Variants in EGFLAM observed in about 807,000 individuals in gnomAD.
EGFLAM encodes EGF like, fibronectin type III and laminin G domains.
Under a neutral mutation model 113.1 loss-of-function variants are expected in EGFLAM, and 79 were observed. The ratio of observed to expected loss-of-function variants is 0.70; its 90% CI spans 0.58 to 0.84. The LOEUF (loss-of-function observed/expected upper bound fraction) is 0.84. Among genes scored for constraint, EGFLAM ranks in the 40% least tolerant of loss-of-function variants. The probability of loss-of-function intolerance (pLI) is 0.00; values close to 1 mark genes in which losing one functional copy is unlikely to be tolerated. For synonymous variants in EGFLAM, 504 were observed against 487.6 expected, an observed-to-expected ratio of 1.03 and a Z score of -0.44; for missense variants, 1,265 against 1,291.6, an observed-to-expected ratio of 0.98 and a Z score of 0.32.
chr5:38,397,467 TA>T (rs1740991523), intron 6 of EGFLAM, among the ~76,000 whole-genome samples: 1 of 152,192 alleles, frequency 6.6e-6, no homozygotes, highest in African/African-American at 2.4e-5. Context: ...TTTTTATCTT[TA>T]TTTTTATAGA....
intron 6 of EGFLAM, among the ~76,000 whole-genome samples, chr5:38,372,216 C>T (rs1230962104): frequency 1.3e-5 from 2 of 151,780 alleles, no homozygotes; most frequent in African/African-American, 4.8e-5. Flanking sequence ...GATCTCGGCT[C>T]ACTGCAACCT....
intron 20 of EGFLAM, among the ~76,000 whole-genome samples, chr5:38,460,296 G>A (rs572149557): frequency 6.6e-6 from 1 of 152,334 alleles, no homozygotes; most frequent in African/African-American, 2.4e-5. Context: ...GTTTGATTAT[G>A]TGTATCAAGA....
intron 3 of EGFLAM, among the ~76,000 whole-genome samples, chr5:38,347,455 A>C (rs1739501569): frequency 6.6e-6 from 1 of 152,152 alleles, no homozygotes; most frequent in African/African-American, 2.4e-5. Flanking sequence ...CACCAAGGAC[A>C]CCAGGGCAGC....
rs147287992 is a variant in EGFLAM, at chr5:38,425,909, C to T, written c.1810+817C>T. Among the ~76,000 whole-genome samples the T allele has an allele frequency of 9.8e-3, 1,487 of 152,266 alleles. 27 individuals are homozygous for T. Among genetic ancestry groups the T allele is most frequent in the African/African-American group, 0.033 (1,365 of 41,544 alleles). Reference sequence around the variant, plus strand: ...CTGGGAGGCCGAGGTGGGCGGATCACGAGGCCAACGTGGTGAAACTCCGTT... The same window carrying T: ...CTGGGAGGCCGAGGTGGGCGGATCATGAGGCCAACGTGGTGAAACTCCGTT... On this transcript the variant is annotated intron_variant, in intron 13 of 21. Coordinates refer to ENST00000322350, the MANE Select transcript of EGFLAM (RefSeq NM_152403.4).
At chr5:38,373,970 G>A (rs1403607039) in intron 6 of EGFLAM, among the ~76,000 whole-genome samples, 1 of 152,182 alleles carries the variant, frequency 6.6e-6, no homozygotes, top group Non-Finnish European at 1.5e-5. Context: ...GTAGATGGTG[G>A]GAAGTGGGAG....
At chr5:38,279,496 A>G (rs1757964571) in intron 1 of EGFLAM, among the ~76,000 whole-genome samples, 1 of 152,232 alleles carries the variant, frequency 6.6e-6, no homozygotes, top group African/African-American at 2.4e-5. Context: ...ACAGATAAAG[A>G]AAATGTGGCG....
chr5:38,431,246 C>T lies in EGFLAM; in HGVS notation c.2124C>T (p.Ile708=), dbSNP rs201020203. ...LRVSRTAKNG[I]LQVDKQKIVE... is the part of the protein sequence containing the mutation. ...TATCTCGCACAGCAAAGAATGGAAT[C>T]TTACAGGTGGATAAGCAGAAGATAG... Residue 708 remains isoleucine, a synonymous_variant, in exon 15 of 22, where the codon ATC becomes ATT. Transcript: ENST00000322350. The T allele has an allele frequency of 8.7e-6, 14 of 1,614,058 alleles. No individual in the cohort carries two copies. The African/African-American group carries it at 1.5e-4, about 17-fold the overall frequency.
intron 6 of EGFLAM, among the ~76,000 whole-genome samples, chr5:38,383,710 G>A (rs1740577113): frequency 6.6e-6 from 1 of 152,122 alleles, no homozygotes; most frequent in Non-Finnish European, 1.5e-5. Flanking sequence ...GTAATGATAA[G>A]TGTCAAGAGG....
Position 38,258,619 on chromosome 5 carries a change from G to A in EGFLAM, c.-136G>A. On this transcript the variant is annotated 5_prime_UTR_variant, in exon 1 of 22. Coordinates refer to ENST00000322350, the MANE Select transcript of EGFLAM (RefSeq NM_152403.4). ...CTCTTGGAACTACCCGTGTTTCCGGGCCCAGCCCTCGCAGCCCCCCACCTC... is the reference window on the plus strand; with the variant it reads ...CTCTTGGAACTACCCGTGTTTCCGGACCCAGCCCTCGCAGCCCCCCACCTC... 3.0e-6 allele frequency: 3 copies of A among 990,252 alleles called. No individual in the cohort carries two copies. Among genetic ancestry groups the A allele is most frequent in the East Asian group, 5.2e-5 (2 of 38,120 alleles). The allele number at this position is 990,252 out of a possible 1,614,324, so 61.3% of individuals were successfully genotyped here. A position where few individuals can be genotyped will look rare whatever the true frequency, so the allele number is the denominator to read the frequency against.
intron 6 of EGFLAM, chr5:38,403,966 G>A: frequency 6.2e-7 from 1 of 1,611,372 alleles, no homozygotes; most frequent in Admixed American, 1.7e-5. Flanking sequence ...GGGAATTGGT[G>A]TGGAAGGGAT....
intron 6 of EGFLAM, among the ~76,000 whole-genome samples, chr5:38,398,126 A>T (rs1485981226): frequency 2.0e-5 from 3 of 152,210 alleles, no homozygotes; most frequent in Non-Finnish European, 4.4e-5. Context: ...TTTTCCAGGA[A>T]CACTCTGCAG....
intron 1 of EGFLAM, among the ~76,000 whole-genome samples, chr5:38,260,757 C>A (rs913872190): frequency 4.6e-5 from 7 of 152,176 alleles, no homozygotes; most frequent in Non-Finnish European, 8.8e-5. Context: ...ATGACAGCTA[C>A]TTCATAACTT....
chr5:38,286,545 A>T (rs1758167531), intron 1 of EGFLAM, among the ~76,000 whole-genome samples: 1 of 152,186 alleles, frequency 6.6e-6, no homozygotes, highest in African/African-American at 2.4e-5. Flanking sequence ...CTCAAGGAAA[A>T]AAATGCTTGA....
At chr5:38,436,990 G>A (rs1742372571) in intron 16 of EGFLAM, among the ~76,000 whole-genome samples, 1 of 152,234 alleles carries the variant, frequency 6.6e-6, no homozygotes. Flanking sequence ...CCCCTGGGCA[G>A]TGGGGGTTCC....
At chr5:38,381,677 A>G (rs914960637) in intron 6 of EGFLAM, among the ~76,000 whole-genome samples, 4 of 152,178 alleles carry the variant, frequency 2.6e-5, no homozygotes, top group Non-Finnish European at 4.4e-5. Context: ...GTCCCATGAT[A>G]ACCTCATAGG....
chr5:38,335,258 A>AT (rs1491210738), intron 1 of EGFLAM, among the ~76,000 whole-genome samples: 1 of 152,254 alleles, frequency 6.6e-6, no homozygotes, highest in Non-Finnish European at 1.5e-5. Context: ...ACACTGGCAC[A>AT]TGTGTGCAAA....
chr5:38,349,388 TATC>T (rs1486699033), intron 3 of EGFLAM, among the ~76,000 whole-genome samples: 2 of 152,112 alleles, frequency 1.3e-5, no homozygotes, highest in Non-Finnish European at 2.9e-5. Context: ...CCCAAGACAA[TATC>T]ATGACCACTC....
chr5:38,409,194 G>GTAT, intron 10 of EGFLAM, 90 bp downstream of exon 10: 1 of 996,624 alleles, frequency 1.0e-6, no homozygotes, highest in Non-Finnish European at 1.5e-6. Flanking sequence ...ATATATACAG[G>GTAT]ATAGGTTCTA....
intron 1 of EGFLAM, among the ~76,000 whole-genome samples, chr5:38,332,744 A>G (rs1477644717): frequency 1.3e-5 from 2 of 152,258 alleles, no homozygotes; most frequent in East Asian, 3.8e-4. Flanking sequence ...CAGCAGGAGC[A>G]TGTCCTTAAG....
Sources: gnomAD v4.1 joint callset for allele counts (sites outside exome capture counted in the v4.1 genomes callset) on GRCh38, gnomAD v4.1.1 for gene constraint, MANE v1.5 for transcripts, NCBI Gene and HGNC (gene_info 2026-07-23, HGNC 2026-07-21) for gene names.